UNC13B: variants seen among roughly 807,000 people sequenced by gnomAD.
UNC13B encodes unc-13 homolog B.
A neutral mutation model predicts 211.0 loss-of-function variants in UNC13B; 144 were observed. That is an observed-to-expected ratio of 0.68 (90% confidence interval 0.60 to 0.78). The LOEUF is 0.78. UNC13B is among the 30% of genes least tolerant of loss of function. The pLI, the probability that UNC13B is intolerant of heterozygous loss-of-function variation, is 0.00. For synonymous variants in UNC13B, 709 were observed against 725.8 expected (o/e 0.98, Z 0.37); for missense variants, 1,777 against 2,002.0 (o/e 0.89, Z 2.14).
intron 7 of UNC13B, among the ~76,000 whole-genome samples, chr9:35,268,358 G>A (rs948638085): frequency 2.6e-5 from 4 of 152,166 alleles, no homozygotes; most frequent in Non-Finnish European, 5.9e-5. Context: ...AGTGGCTCAC[G>A]CCTGTAATCC....
chr9:35,172,308 C>G (rs945360378), intron 1 of UNC13B, among the ~76,000 whole-genome samples: 5 of 152,028 alleles, frequency 3.3e-5, no homozygotes, highest in Admixed American at 6.6e-5. Flanking sequence ...CCTCAAACAT[C>G]TTTCATACTG....
At chr9:35,226,664 G>T (rs1824859654) in intron 1 of UNC13B, among the ~76,000 whole-genome samples, 1 of 152,202 alleles carries the variant, frequency 6.6e-6, no homozygotes, top group Non-Finnish European at 1.5e-5. Flanking sequence ...GAATCATCCA[G>T]CATGGGAGAA....
Position 35,382,457 on chromosome 9 carries a change from G to A in UNC13B, c.10756G>A (p.Ala3586Thr). Reference sequence around the variant, plus strand: ...CAACGCCTACTATGCCCACACAACTGCCTCTACCAATGTCTCTGCATCTGA... The same window carrying A: ...CAACGCCTACTATGCCCACACAACTACCTCTACCAATGTCTCTGCATCTGA... Reference protein sequence around the residue: ...NINAYYAHTTASTNVSASDRF... With the variant: ...NINAYYAHTTTSTNVSASDRF... Residue 3586 changes from alanine (A) to threonine (T), a missense_variant, in exon 21 of 40, where the codon GCC (alanine) becomes ACC (threonine). Coordinates refer to ENST00000635942, the MANE Select transcript of UNC13B (RefSeq NM_001371189.2). 1 of 1,614,112 alleles carries A rather than the reference G, an allele frequency of 6.2e-7. No homozygotes were observed. Among genetic ancestry groups the A allele is most frequent in the South Asian group, 1.1e-5 (1 of 91,078 alleles).
chr9:35,176,906 G>A (rs1325181668), intron 1 of UNC13B, among the ~76,000 whole-genome samples: 1 of 152,158 alleles, frequency 6.6e-6, no homozygotes, highest in South Asian at 2.1e-4. Context: ...CTAGGCAGAG[G>A]AAATAGTATG....
intron 7 of UNC13B, among the ~76,000 whole-genome samples, chr9:35,261,624 CCA>C (rs749704799): frequency 9.9e-5 from 15 of 152,014 alleles, no homozygotes; most frequent in Non-Finnish European, 1.9e-4. Flanking sequence ...TACAAATATT[CCA>C]GTTATACTCT....
chr9:35,335,659 A>T (rs879276110), intron 11 of UNC13B, among the ~76,000 whole-genome samples: 2 of 151,458 alleles, frequency 1.3e-5, no homozygotes, highest in Non-Finnish European at 2.9e-5. Context: ...AAAACTGTTG[A>T]CTGATTTCTC....
At chr9:35,254,074 G>C (rs1409807926) in intron 6 of UNC13B, among the ~76,000 whole-genome samples, 21 of 152,052 alleles carry the variant, frequency 1.4e-4, no homozygotes, top group Admixed American at 1.4e-3. Context: ...TACGCATCAG[G>C]TACCATGCAC....
chr9:35,351,543 A>C, intron 11 of UNC13B: 1 of 1,232,370 alleles, frequency 8.1e-7, no homozygotes, highest in Non-Finnish European at 1.0e-6. Flanking sequence ...CGATTGTTGC[A>C]AGAGTCAGAG....
chr9:35,368,651 G>A (rs7019659), intron 12 of UNC13B, among the ~76,000 whole-genome samples: 12,273 of 151,204 alleles, frequency 0.081, 1,681 homozygotes, highest in African/African-American at 0.28. Flanking sequence ...TTCCACAACG[G>A]TTGAACTAAT....
At chr9:35,366,167 G>A (rs1052964547) in intron 11 of UNC13B, among the ~76,000 whole-genome samples, 1 of 152,202 alleles carries the variant, frequency 6.6e-6, no homozygotes, top group African/African-American at 2.4e-5. Context: ...AAAAGCATGT[G>A]CTATTGGACC....
At position 35,302,307 on chromosome 9, in the gene UNC13B, C is replaced by A; in HGVS notation, c.2903C>A (p.Ser968Tyr). The change falls in exon 9 of 40, where the codon TCT becomes TAT. Residue 968 changes from serine to tyrosine, a missense_variant. Physicochemically the swap from Ser to Tyr is moderately radical, Grantham distance 144. Coordinates refer to ENST00000635942, the MANE Select transcript of UNC13B (RefSeq NM_001371189.2). ...PEDAKLNSIK[S>Y]SSVPNIHDDL... ...GATGCCAAACTTAATTCAATAAAAT[C>A]TAGTTCAGTTCCAAATATTCATGAT... is the stretch of plus-strand genomic sequence containing the variant. The A allele has an allele frequency of 2.5e-6, 1 of 398,572 alleles. No individual in the cohort carries two copies. The allele number at this position is 398,572 out of a possible 1,614,324, so 24.7% of individuals were successfully genotyped here. A position where few individuals can be genotyped will look rare whatever the true frequency, so the allele number is the denominator to read the frequency against.
intron 37 of UNC13B, among the ~76,000 whole-genome samples, chr9:35,401,330 G>A (rs1268555490): frequency 2.0e-5 from 3 of 152,182 alleles, no homozygotes; most frequent in African/African-American, 4.8e-5. Context: ...GGAAGGGACC[G>A]AAAGTACTGC....
At chr9:35,237,189 T>C (rs923752585) in intron 4 of UNC13B, among the ~76,000 whole-genome samples, 1 of 152,172 alleles carries the variant, frequency 6.6e-6, no homozygotes, top group Non-Finnish European at 1.5e-5. Flanking sequence ...AAATCTGTTA[T>C]ATTCCTGTTT....
At chr9:35,315,693 A>G (rs1830416995) in intron 11 of UNC13B, among the ~76,000 whole-genome samples, 1 of 152,152 alleles carries the variant, frequency 6.6e-6, no homozygotes, top group African/African-American at 2.4e-5. Context: ...CATCCCAACA[A>G]TGTCTCTTTT....
chr9:35,256,647 T>TC (rs1826896289), intron 6 of UNC13B, among the ~76,000 whole-genome samples: 1 of 152,226 alleles, frequency 6.6e-6, no homozygotes, highest in South Asian at 2.1e-4. Flanking sequence ...GATTTTCAGA[T>TC]ATTGAACTGG....
At chr9:35,289,925 G>A (rs1169765471) in intron 7 of UNC13B, among the ~76,000 whole-genome samples, 5 of 152,072 alleles carry the variant, frequency 3.3e-5, no homozygotes, top group Admixed American at 6.5e-5. Flanking sequence ...GCAGTGAGCC[G>A]AGATCGTGTC....
chr9:35,268,819 A>AGACT (rs1012291040), intron 7 of UNC13B, among the ~76,000 whole-genome samples: 100 of 152,268 alleles, frequency 6.6e-4, no homozygotes, highest in African/African-American at 2.3e-3. Flanking sequence ...TGATACTTTG[A>AGACT]GACTGTGTGT....
chr9:35,277,717 A>T (rs1284719580), intron 7 of UNC13B, among the ~76,000 whole-genome samples: 1 of 152,038 alleles, frequency 6.6e-6, no homozygotes, highest in African/African-American at 2.4e-5. Flanking sequence ...CAATCAAAAG[A>T]TCTGAATCAC....
chr9:35,314,046 A>C (rs1284652806), intron 11 of UNC13B, 57 bp downstream of exon 11: 2 of 1,375,046 alleles, frequency 1.5e-6, no homozygotes, highest in Non-Finnish European at 2.1e-6. Context: ...ATTGGGAGAC[A>C]TATGGTGCTG....
Sources: gnomAD v4.1 joint callset for allele counts (sites outside exome capture counted in the v4.1 genomes callset) on GRCh38, gnomAD v4.1.1 for gene constraint, MANE v1.5 for transcripts, NCBI Gene and HGNC (gene_info 2026-07-23, HGNC 2026-07-21) for gene names.